The following OSBPL8 variants were observed in gnomAD, a reference collection of about 807,000 sequenced individuals.
OSBPL8 encodes oxysterol binding protein like 8, also known as oxysterol-binding protein-related protein 8.
OSBPL8 carries 59 observed loss-of-function variants against 125.5 expected under a neutral mutation model. That is an observed-to-expected ratio of 0.47 (90% CI 0.38 to 0.58). OSBPL8 has a LOEUF of 0.58. OSBPL8 is among the 20% of genes least tolerant of loss of function. The pLI is 0.00. For synonymous variants in OSBPL8, 330 were observed against 338.9 expected (o/e 0.97, Z 0.29); for missense variants, 758 against 1,047.8 (o/e 0.72, Z 3.82).
intron 4 of OSBPL8, among the ~76,000 whole-genome samples, chr12:76,429,735 T>A (rs1424930109): frequency 1.3e-5 from 2 of 152,126 alleles, no homozygotes; most frequent in Non-Finnish European, 2.9e-5. Flanking sequence ...GAGGCACATA[T>A]TCAAGGTCAC....
intron 21 of OSBPL8, among the ~76,000 whole-genome samples, chr12:76,368,401 T>C (rs940470687): frequency 4.6e-5 from 7 of 152,144 alleles, no homozygotes; most frequent in African/African-American, 1.7e-4. Context: ...TACTTGGAGT[T>C]TGTTGAGCTT....
chr12:76,493,014 AAGTTGCAGTCAAAAAT>A (rs1265670540), intron 1 of OSBPL8, among the ~76,000 whole-genome samples: 2 of 152,094 alleles, frequency 1.3e-5, no homozygotes, highest in Non-Finnish European at 2.9e-5. Flanking sequence ...TTCTTCCTCT[AAGTTGCAGTCAAAAAT>A]AGTTGGAAAC....
chr12:76,471,954 T>G (rs1688016635), intron 2 of OSBPL8, among the ~76,000 whole-genome samples: 1 of 152,250 alleles, frequency 6.6e-6, no homozygotes, highest in Non-Finnish European at 1.5e-5. Context: ...TTTTTGATAC[T>G]GACTTTTCAA....
At position 76,352,666 on chromosome 12, in the gene OSBPL8, T is replaced by C. The variant is rs1204823944; in HGVS notation, c.*3223A>G. Reference sequence around the variant, plus strand: ...TCAATATAATCTGCAGTCTCATGTATGGCTTATCAATAATGCCATCATCAC... The same window carrying C: ...TCAATATAATCTGCAGTCTCATGTACGGCTTATCAATAATGCCATCATCAC... On this transcript the variant is annotated 3_prime_UTR_variant, in exon 24 of 24. Transcript: ENST00000261183. 1 of 152,590 alleles carries C rather than the reference T, an allele frequency of 6.6e-6. No individual in the cohort carries two copies. Among genetic ancestry groups the C allele is most frequent in the African/African-American group, 2.4e-5 (1 of 41,472 alleles). 9.5% of individuals were successfully genotyped at this position (152,590 alleles called of 1,614,324 possible).
chr12:76,367,609 C>T (rs7300153), intron 21 of OSBPL8, among the ~76,000 whole-genome samples: 120,560 of 152,098 alleles, frequency 0.79, 48,025 homozygotes, highest in East Asian at 0.92. Flanking sequence ...ATTTTCTATA[C>T]GTCATATACG....
intron 1 of OSBPL8, among the ~76,000 whole-genome samples, chr12:76,517,456 C>G (rs536979818): frequency 6.6e-6 from 1 of 151,972 alleles, no homozygotes; most frequent in East Asian, 1.9e-4. Flanking sequence ...TTAATGTATT[C>G]ATTAATAAGT....
At position 76,448,340 on chromosome 12, in the gene OSBPL8, C is replaced by T. The variant is rs74103464; in HGVS notation, c.217+2511G>A. ...TAGTTTTAATTATTAGTAACTAACCCTTTTGTTGGTTCATTAACTCCTAAG... is the reference window on the plus strand; with the variant it reads ...TAGTTTTAATTATTAGTAACTAACCTTTTTGTTGGTTCATTAACTCCTAAG... On this transcript the variant is annotated intron_variant, in intron 4 of 23. Transcript: ENST00000261183. 2.3e-3 allele frequency among the ~76,000 whole-genome samples: 357 copies of T among 152,078 alleles called. 4 individuals are homozygous for T. The highest frequency in any genetic ancestry group is 8.3e-3 in the African/African-American group (345 of 41,474).
At chr12:76,465,638 A>G (rs2136873749) in intron 2 of OSBPL8, among the ~76,000 whole-genome samples, 1 of 152,310 alleles carries the variant, frequency 6.6e-6, no homozygotes, top group Non-Finnish European at 1.5e-5. Context: ...ACAGTAATCT[A>G]AAGAAGTAAC....
intron 4 of OSBPL8, among the ~76,000 whole-genome samples, chr12:76,434,077 A>C (rs1210702425): frequency 6.6e-6 from 1 of 152,040 alleles, no homozygotes; most frequent in Non-Finnish European, 1.5e-5. Flanking sequence ...ACAAAGCTGG[A>C]GGTATCACAT....
intron 2 of OSBPL8, among the ~76,000 whole-genome samples, chr12:76,469,011 T>G (rs1449576590): frequency 6.6e-6 from 1 of 152,164 alleles, no homozygotes; most frequent in Non-Finnish European, 1.5e-5. Flanking sequence ...AATCTTACCT[T>G]TCCCTAGCTC....
At chr12:76,412,341 A>C (rs1868265855) in intron 4 of OSBPL8, among the ~76,000 whole-genome samples, 1 of 152,148 alleles carries the variant, frequency 6.6e-6, no homozygotes. Flanking sequence ...GGTGTGAGAG[A>C]GCCTTCTGCT....
At chr12:76,442,149 CAATT>C (rs1872263617) in intron 4 of OSBPL8, among the ~76,000 whole-genome samples, 2 of 151,984 alleles carry the variant, frequency 1.3e-5, no homozygotes, top group Non-Finnish European at 1.5e-5. Flanking sequence ...GTTAAAGAAA[CAATT>C]AATAAGGCCG....
At chr12:76,361,421 A>C (rs1169884735) in intron 21 of OSBPL8, among the ~76,000 whole-genome samples, 1 of 152,184 alleles carries the variant, frequency 6.6e-6, no homozygotes, top group African/African-American at 2.4e-5. Flanking sequence ...AGTCTCTAGG[A>C]GGTTCCAAAC....
intron 3 of OSBPL8, among the ~76,000 whole-genome samples, chr12:76,453,648 T>C (rs542904067): frequency 3.3e-4 from 50 of 152,210 alleles, no homozygotes; most frequent in South Asian, 2.3e-3. Flanking sequence ...AATATCTTCA[T>C]AAACTTGGGA....
Position 76,355,010 on chromosome 12 carries a change from T to G in OSBPL8, c.*879A>C, listed in dbSNP as rs764391051. The stretch of plus-strand genomic sequence containing the variant: ...AATAAGTTTTCATAATGAAAAAACA[T>G]AAATTATCAGCACTTCAAATGCTCT... On this transcript the variant is annotated 3_prime_UTR_variant, in exon 24 of 24. Coordinates refer to ENST00000261183, the MANE Select transcript of OSBPL8 (RefSeq NM_020841.5). The G allele has an allele frequency of 1.3e-5, 2 of 152,358 alleles. No individual in the cohort carries two copies. Among genetic ancestry groups the G allele is most frequent in the African/African-American group, 4.8e-5 (2 of 41,436 alleles). The allele number at this position is 152,358 out of a possible 1,614,324, so 9.4% of individuals were successfully genotyped here.
At chr12:76,371,187 G>T in intron 19 of OSBPL8, 2 of 265,120 alleles carry the variant, frequency 7.5e-6, no homozygotes, top group Non-Finnish European at 1.4e-5. Flanking sequence ...AAACAAAAAC[G>T]TTCTTTCTTT....
At chr12:76,557,308 G>A (rs1294504685) in intron 1 of OSBPL8, among the ~76,000 whole-genome samples, 2 of 152,068 alleles carry the variant, frequency 1.3e-5, no homozygotes, top group African/African-American at 4.8e-5. Flanking sequence ...TTAAAATTCT[G>A]CAATTCATAC....
chr12:76,524,187 T>C (rs1418004365), intron 1 of OSBPL8, among the ~76,000 whole-genome samples: 2 of 152,132 alleles, frequency 1.3e-5, no homozygotes, highest in East Asian at 1.9e-4. Flanking sequence ...AAATAAGATA[T>C]AGGAATAAAA....
At chr12:76,488,098 T>C (rs866993573) in intron 1 of OSBPL8, among the ~76,000 whole-genome samples, 9 of 152,244 alleles carry the variant, frequency 5.9e-5, no homozygotes, top group Admixed American at 2.0e-4. Flanking sequence ...CCCACAGATA[T>C]ACAAATGCCC....
Sources: allele counts gnomAD v4.1 joint callset (sites outside exome capture counted in the v4.1 genomes callset), GRCh38; gene constraint gnomAD v4.1.1; transcripts MANE v1.5; gene names NCBI Gene and HGNC (gene_info 2026-07-23, HGNC 2026-07-21).